The following MALRD1 variants were observed in gnomAD, a reference collection of about 807,000 sequenced individuals.
MALRD1 encodes MAM and LDL-receptor class A domain-containing protein 1.
MALRD1 carries 247 observed loss-of-function variants against 242.1 expected under a neutral mutation model. That is an observed-to-expected ratio of 1.02 (90% CI 0.92 to 1.13). The LOEUF (loss-of-function observed/expected upper bound fraction) is 1.13. Ranked by LOEUF, MALRD1 falls within the 50% of genes most tolerant of loss-of-function variation. MALRD1 has a pLI of 0.00. For missense variants in MALRD1, 2,989 were observed against 2,533.1 expected (o/e 1.18, Z -3.86); for synonymous variants, 995 against 866.6 (o/e 1.15, Z -2.60).
At chr10:19,080,850 A>G (rs1835465933) in intron 2 of MALRD1, among the ~76,000 whole-genome samples, 3 of 152,096 alleles carry the variant, frequency 2.0e-5, no homozygotes, top group Admixed American at 1.3e-4. Context: ...AATGGGAGAA[A>G]ATGTTTTCAG....
intron 36 of MALRD1, among the ~76,000 whole-genome samples, chr10:19,650,740 G>A (rs1480920917): frequency 6.6e-6 from 1 of 152,122 alleles, no homozygotes; most frequent in African/African-American, 2.4e-5. Flanking sequence ...CTCTGTAATC[G>A]CATTTTAATA....
intron 14 of MALRD1, among the ~76,000 whole-genome samples, chr10:19,181,982 A>G (rs1835525697): frequency 6.6e-6 from 1 of 152,110 alleles, no homozygotes; most frequent in South Asian, 2.1e-4. Context: ...AGGAAGTTGG[A>G]AAATATATTC....
chr10:19,204,942 T>G lies in MALRD1; in HGVS notation c.2255T>G (p.Leu752Arg). The G allele has an allele frequency of 1.9e-6, 3 of 1,550,388 alleles. No individual in the cohort carries two copies. Among genetic ancestry groups the G allele is most frequent in the Non-Finnish European group, 2.6e-6 (3 of 1,146,782 alleles). ...TCAGTGGGAGCAGCTGAGCTGCAGC[T>G]ACATATGGAAAATTCTCATGACTCA... is the stretch of plus-strand genomic sequence containing the variant. ...GLSVGAAELQ[L>R]HMENSHDSTV... Residue 752 changes from leucine to arginine, a missense_variant, in exon 17 of 40, where the codon CTA (leucine) becomes CGA (arginine). Transcript: ENST00000454679.
chr10:19,399,104 G>C (rs1846714200), intron 28 of MALRD1, among the ~76,000 whole-genome samples: 1 of 152,160 alleles, frequency 6.6e-6, no homozygotes, highest in South Asian at 2.1e-4. Context: ...GAGAATAAAA[G>C]CAATATTGTG....
At chr10:19,580,808 T>C (rs1837080576) in intron 33 of MALRD1, among the ~76,000 whole-genome samples, 1 of 152,124 alleles carries the variant, frequency 6.6e-6, no homozygotes, top group Non-Finnish European at 1.5e-5. Flanking sequence ...TTTTCTTCAC[T>C]CTTGTCTCTC....
intron 36 of MALRD1, among the ~76,000 whole-genome samples, chr10:19,625,947 G>A (rs1839633134): frequency 6.6e-6 from 1 of 151,910 alleles, no homozygotes; most frequent in Non-Finnish European, 1.5e-5. Context: ...GTACTCAAGT[G>A]CTAAGGACTA....
intron 7 of MALRD1, among the ~76,000 whole-genome samples, chr10:19,127,702 T>C (rs1418048268): frequency 1.3e-5 from 2 of 152,098 alleles, no homozygotes; most frequent in African/African-American, 2.4e-5. Context: ...ACAAAATCCA[T>C]AGGTGACGTT....
chr10:19,130,899 A>G (rs924083446), intron 8 of MALRD1, among the ~76,000 whole-genome samples: 1 of 152,252 alleles, frequency 6.6e-6, no homozygotes, highest in African/African-American at 2.4e-5. Flanking sequence ...AACTCTATTA[A>G]TCAGTAATAC....
In MALRD1 at chr10:19,347,844, C is replaced by T. The variant is rs1351216474; in HGVS notation, c.3975C>T (p.Asp1325=). The T allele has an allele frequency of 6.4e-7, 1 of 1,550,432 alleles. No homozygotes were observed. The change falls in exon 25 of 40, where the codon GAC becomes GAT. Residue 1325 remains aspartate (D), a synonymous_variant. Transcript: ENST00000454679. ...SWKQEKDEDF[D]WNLKASSIPA... ...AGCAGGAGAAAGATGAGGACTTTGA[C>T]TGGAACCTGAAAGCTAGCAGCATCC... is the stretch of plus-strand genomic sequence containing the variant.
At chr10:19,717,308 C>G (rs1324825388) in intron 38 of MALRD1, among the ~76,000 whole-genome samples, 2 of 152,274 alleles carry the variant, frequency 1.3e-5, no homozygotes, top group Non-Finnish European at 2.9e-5. Flanking sequence ...ATGACTTGTA[C>G]TAATGACTTG....
intron 2 of MALRD1, among the ~76,000 whole-genome samples, chr10:19,072,633 C>A (rs1439025891): frequency 6.6e-6 from 1 of 151,962 alleles, no homozygotes; most frequent in Non-Finnish European, 1.5e-5. Flanking sequence ...GAATATAATT[C>A]TTCCTCTAAG....
At chr10:19,361,435 C>T (rs1026108737) in intron 26 of MALRD1, among the ~76,000 whole-genome samples, 9 of 152,120 alleles carry the variant, frequency 5.9e-5, no homozygotes, top group Non-Finnish European at 1.0e-4. Flanking sequence ...TATCAGCCTA[C>T]GATTTCTTAG....
chr10:19,054,861 A>G (rs755501664), intron 1 of MALRD1, among the ~76,000 whole-genome samples: 6 of 152,218 alleles, frequency 3.9e-5, no homozygotes, highest in Admixed American at 6.5e-5. Flanking sequence ...CAATAAACAT[A>G]GGAGTGCAGA....
At chr10:19,331,819 G>C (rs1210987884) in intron 24 of MALRD1, among the ~76,000 whole-genome samples, 3 of 152,216 alleles carry the variant, frequency 2.0e-5, no homozygotes, top group African/African-American at 7.2e-5. Flanking sequence ...AGATAAATTG[G>C]AAAACAGGTG....
intron 19 of MALRD1, among the ~76,000 whole-genome samples, chr10:19,258,432 A>G (rs1384639479): frequency 1.3e-5 from 2 of 152,132 alleles, no homozygotes; most frequent in African/African-American, 2.4e-5. Flanking sequence ...AGAAGACTGG[A>G]GTTTGGCACT....
chr10:19,585,865 A>G (rs1369255232), intron 33 of MALRD1, among the ~76,000 whole-genome samples: 10 of 152,246 alleles, frequency 6.6e-5, no homozygotes, highest in East Asian at 1.9e-4. Flanking sequence ...AGGTACACCA[A>G]TCAGACGTAG....
intron 14 of MALRD1, among the ~76,000 whole-genome samples, chr10:19,180,563 A>G (rs1191406725): frequency 6.6e-6 from 1 of 152,222 alleles, no homozygotes; most frequent in Non-Finnish European, 1.5e-5. Flanking sequence ...GTACACTTAA[A>G]TAAATTCAAA....
chr10:19,290,339 G>C, intron 21 of MALRD1: 1 of 152,116 alleles, frequency 6.6e-6, no homozygotes, highest in South Asian at 2.1e-4. Context: ...CTTGTAGATG[G>C]AGGCATTTTC....
At chr10:19,176,170 A>G (rs1835221576) in intron 14 of MALRD1, among the ~76,000 whole-genome samples, 2 of 152,044 alleles carry the variant, frequency 1.3e-5, no homozygotes, top group Admixed American at 1.3e-4. Context: ...AATCAGACAT[A>G]CTGTATATTC....
Sources: allele counts gnomAD v4.1 joint callset (sites outside exome capture counted in the v4.1 genomes callset), GRCh38; gene constraint gnomAD v4.1.1; transcripts MANE v1.5; gene names NCBI Gene and HGNC (gene_info 2026-07-23, HGNC 2026-07-21).